CENPK: variants seen among roughly 807,000 people sequenced by gnomAD.
CENPK encodes the protein SoxLZ/Sox6-binding protein Solt.
CENPK carries 46 observed loss-of-function variants against 40.9 expected under a neutral mutation model. The ratio of observed to expected loss-of-function variants is 1.13; its 90% CI spans 0.89 to 1.44. CENPK has a LOEUF of 1.44. CENPK is among the 40% of genes most tolerant of loss of function. The probability of loss-of-function intolerance (pLI) is 0.00; values close to 1 mark genes in which losing one functional copy is unlikely to be tolerated. For synonymous variants in CENPK, 107 were observed against 104.4 expected (o/e 1.02, Z -0.15); for missense variants, 288 against 303.5 (o/e 0.95, Z 0.38).
At position 65,554,793 on chromosome 5, in the gene CENPK, T is replaced by G; in HGVS notation, c.111+4A>C. 1 of 1,420,938 alleles carries G rather than the reference T, an allele frequency of 7.0e-7. No homozygotes were observed. 88.0% of individuals were successfully genotyped at this position (1,420,938 alleles called of 1,614,324 possible). The stretch of plus-strand genomic sequence containing the variant: ...AACTATCACTTCTATCTTTTGAAAC[T>G]TACTTCTTCCATATCTTTCCACATT... On this transcript the variant is annotated splice_donor_region_variant and intron_variant, in intron 3 of 10. Transcript: ENST00000396679.
At chr5:65,515,320 A>C (rs1742786858), downstream of CENPK, among the ~76,000 whole-genome samples, 1 of 150,646 alleles carries the variant, frequency 6.6e-6, no homozygotes, top group South Asian at 2.1e-4. Flanking sequence ...CCTCCGCCTC[A>C]GCCTCCCAAG....
intron 5 of CENPK, chr5:65,551,013 A>T (rs1749902420): frequency 5.8e-6 from 1 of 170,968 alleles, no homozygotes; most frequent in Non-Finnish European, 1.3e-5. Context: ...AGGCCAAGGC[A>T]GGAGGATCCC....
chr5:65,555,030 T>C (rs1209789202), intron 2 of CENPK, 84 bp from the exon 3 acceptor site: 2 of 687,876 alleles, frequency 2.9e-6, no homozygotes, highest in Admixed American at 2.6e-5. Context: ...GGTAAGAATA[T>C]AGCAATGAAC....
At chr5:65,535,389 A>T (rs1489906130) in intron 6 of CENPK, among the ~76,000 whole-genome samples, 1 of 152,022 alleles carries the variant, frequency 6.6e-6, no homozygotes, top group Non-Finnish European at 1.5e-5. Flanking sequence ...CCCTTGGAAT[A>T]CTCTACTTGA....
chr5:65,521,646 G>C (rs1479462920), intron 9 of CENPK, 118 bp from the exon 10 acceptor site: 12 of 726,060 alleles, frequency 1.7e-5, no homozygotes, highest in Admixed American at 8.2e-5. Context: ...TGGCGCCCAG[G>C]CTGGAGTGCA....
At position 65,551,635 on chromosome 5, in the gene CENPK, A is replaced by T. The variant is rs749320661; in HGVS notation, c.170T>A (p.Leu57Gln). Residue 57 changes from leucine (L) to glutamine (Q), a missense_variant and splice_region_variant, in exon 5 of 11, where the codon CTA (leucine) becomes CAA (glutamine). Transcript: ENST00000396679. Reference sequence around the variant, plus strand: ...TTTTACTTGCATAATTAACAATGATAGCTACAAAAGAAGAAAACAAAGTCA... The same window carrying T: ...TTTTACTTGCATAATTAACAATGATTGCTACAAAAGAAGAAAACAAAGTCA... ...TETLTDSNAQ[L>Q]SLLIMQVKCL... 18 of 1,547,928 alleles carry T rather than the reference A, an allele frequency of 1.2e-5. No homozygotes were observed. Among genetic ancestry groups the T allele is most frequent in the Non-Finnish European group, 8.8e-7 (1 of 1,135,400 alleles).
chr5:65,519,485 CAG>C (rs1743328612), intron 10 of CENPK, among the ~76,000 whole-genome samples: 2 of 152,208 alleles, frequency 1.3e-5, no homozygotes, highest in South Asian at 4.1e-4. Context: ...AAGTAGAACT[CAG>C]AAGAGTTAAG....
the CENPK span, among the ~76,000 whole-genome samples, chr5:65,498,929 C>CG: frequency 2.0e-5 from 3 of 151,976 alleles, no homozygotes; most frequent in African/African-American, 7.2e-5. Context: ...TCAACATACC[C>CG]GGTCTTGTAT....
At chr5:65,530,942 C>T (rs1269251521) in intron 6 of CENPK, among the ~76,000 whole-genome samples, 1 of 151,982 alleles carries the variant, frequency 6.6e-6, no homozygotes, top group Non-Finnish European at 1.5e-5. Context: ...ACAACACACA[C>T]AATCCAAGAA....
At chr5:65,559,608 G>C (rs557308605) in intron 2 of CENPK, among the ~76,000 whole-genome samples, 30 of 138,948 alleles carry the variant, frequency 2.2e-4, no homozygotes, top group African/African-American at 7.9e-4. Flanking sequence ...CAGCCTGGGC[G>C]ACAGAGCGAG....
chr5:65,537,988 C>T (rs1418345548), intron 6 of CENPK, among the ~76,000 whole-genome samples: 5 of 152,156 alleles, frequency 3.3e-5, no homozygotes, highest in African/African-American at 1.2e-4. Flanking sequence ...TGAGAAATTT[C>T]CACACTGCTT....
Position 65,544,376 on chromosome 5 carries a change from A to G in CENPK, c.242-1528T>C, listed in dbSNP as rs145076647. ...ACAGCAGACAGCTACTATCAAAAAA[A>G]CAGAAAGTAACAAGTGTTAACAAGG... On this transcript the variant is annotated intron_variant, in intron 5 of 10. Coordinates refer to ENST00000396679, the MANE Select transcript of CENPK (RefSeq NM_022145.5). Among the ~76,000 whole-genome samples, 3 of 152,350 alleles carry G rather than the reference A, an allele frequency of 2.0e-5. No homozygotes were observed. The East Asian group carries it at 5.8e-4, about 29-fold the overall frequency.
Position 65,552,475 on chromosome 5 carries a change from G to A in CENPK, c.168+18C>T. 2.0e-6 allele frequency: 3 copies of A among 1,471,414 alleles called. No homozygotes were observed. The highest frequency in any genetic ancestry group is 2.9e-5 in the African/African-American group (2 of 68,910). 91.1% of individuals were successfully genotyped at this position (1,471,414 alleles called of 1,614,324 possible). A position where few individuals can be genotyped will look rare whatever the true frequency, so the allele number is the denominator to read the frequency against. ...ATTCCACTTACCTTGTATTTTTTAG[G>A]AAGAAAAAGATTCATACCTGAGCAT... On this transcript the variant is annotated intron_variant, in intron 4 of 10. Coordinates refer to ENST00000396679, the MANE Select transcript of CENPK (RefSeq NM_022145.5).
chr5:65,548,536 G>A (rs886344179), intron 5 of CENPK, among the ~76,000 whole-genome samples: 4 of 151,994 alleles, frequency 2.6e-5, no homozygotes, highest in Admixed American at 2.6e-4. Flanking sequence ...AACATTTCTC[G>A]GTGGCATGAG....
chr5:65,551,036 G>A (rs901043055), intron 5 of CENPK: 14 of 188,108 alleles, frequency 7.4e-5, no homozygotes, highest in South Asian at 5.3e-4. Context: ...GAGCCCAGGA[G>A]TTCAAGACCA....
intron 10 of CENPK, 59 bp downstream of exon 10, chr5:65,521,416 A>T: frequency 7.7e-7 from 1 of 1,299,128 alleles, no homozygotes; most frequent in Non-Finnish European, 1.1e-6. Context: ...GTCTGAGTAT[A>T]ATTGTTCACA....
At chr5:65,555,452 G>A (rs1335463681) in intron 2 of CENPK, among the ~76,000 whole-genome samples, 2 of 152,200 alleles carry the variant, frequency 1.3e-5, no homozygotes, top group African/African-American at 4.8e-5. Flanking sequence ...GAGACAATAG[G>A]GATGAGATCA....
intron 6 of CENPK, among the ~76,000 whole-genome samples, chr5:65,537,038 C>CTA (rs1199686976): frequency 1.3e-5 from 2 of 152,188 alleles, no homozygotes; most frequent in African/African-American, 2.4e-5. Context: ...TTTTGCTGTG[C>CTA]TATAATACAG....
At chr5:65,551,744 C>T (rs1750095562) in intron 4 of CENPK, 108 bp from the exon 5 acceptor site, 2 of 526,448 alleles carry the variant, frequency 3.8e-6, no homozygotes, top group African/African-American at 2.0e-5. Context: ...GGGTGGCATC[C>T]CTAACTCTCA....
Sources: gnomAD v4.1 joint callset for allele counts (sites outside exome capture counted in the v4.1 genomes callset) on GRCh38, gnomAD v4.1.1 for gene constraint, MANE v1.5 for transcripts, NCBI Gene and HGNC (gene_info 2026-07-23, HGNC 2026-07-21) for gene names.